Variants in PARD3B observed in about 807,000 individuals in gnomAD.
The protein encoded by PARD3B is partitioning defective 3 homolog B.
In PARD3B, 103 loss-of-function variants were observed where a neutral mutation model predicts 130.2. That is an observed-to-expected ratio of 0.79 (90% CI 0.67 to 0.93). PARD3B has a LOEUF of 0.93. Among genes scored for constraint, PARD3B ranks in the 40% least tolerant of loss-of-function variants. The pLI is 0.00. For missense variants in PARD3B, 1,609 were observed against 1,499.2 expected (o/e 1.07, Z -1.21); for synonymous variants, 583 against 553.2 (o/e 1.05, Z -0.76).
rs185356246 is a variant in PARD3B, at chr2:205,000,869, A to G, written c.394+35546A>G. ...AGTTTTATCCTGAGACATGCTTTGC[A>G]TAACATTAGGGCCTTAGGGTTTTTT... is the stretch of plus-strand genomic sequence containing the variant. On this transcript the variant is annotated intron_variant, in intron 3 of 22. Coordinates refer to ENST00000406610, the MANE Select transcript of PARD3B (RefSeq NM_001302769.2). Among the ~76,000 whole-genome samples, 18 of 152,314 alleles carry G rather than the reference A, an allele frequency of 1.2e-4. No individual in the cohort carries two copies. In the East Asian group the frequency reaches 3.5e-3, roughly 29 times the overall value.
intron 15 of PARD3B, among the ~76,000 whole-genome samples, chr2:205,238,884 G>GTATA (rs368546075): frequency 0.044 from 3,318 of 74,872 alleles, 142 homozygotes; most frequent in Middle Eastern, 0.11. Context: ...ATATGTATGT[G>GTATA]TGTATATATA....
At chr2:204,645,580 T>C (rs550398834) in intron 1 of PARD3B, among the ~76,000 whole-genome samples, 53 of 152,272 alleles carry the variant, frequency 3.5e-4, no homozygotes, top group African/African-American at 1.3e-3. Flanking sequence ...TAAATGTTAC[T>C]GTTCATCAGC....
rs2046402706 is a variant in PARD3B, at chr2:204,890,389, C to T, written c.223-74763C>T. Among the ~76,000 whole-genome samples the T allele has an allele frequency of 6.6e-6, 1 of 152,190 alleles. No individual in the cohort carries two copies. The highest frequency in any genetic ancestry group is 1.5e-5 in the Non-Finnish European group (1 of 68,040). On this transcript the variant is annotated intron_variant, in intron 2 of 22. Transcript: ENST00000406610. This position sits in a 1 kb window ranked among gnomAD's most constrained non-coding sequence, Gnocchi z 4.9. ...AGAAGGAGAAAATAATTTTCAGCCC[C>T]TAGTCAAGAAGTTTCATTTGCCTCC...
At chr2:205,337,356 T>C (rs530295133) in intron 18 of PARD3B, among the ~76,000 whole-genome samples, 1 of 152,362 alleles carries the variant, frequency 6.6e-6, no homozygotes, top group African/African-American at 2.4e-5. Context: ...TAAGTAACTG[T>C]TCATAGATGT....
At chr2:204,938,211 T>G (rs1439633564) in intron 2 of PARD3B, among the ~76,000 whole-genome samples, 1 of 152,240 alleles carries the variant, frequency 6.6e-6, no homozygotes, top group Non-Finnish European at 1.5e-5. Context: ...ATGTATCAAG[T>G]GGCTTTCCAC....
At chr2:205,012,998 AGTTTTCAT>A (rs1054018034) in intron 3 of PARD3B, among the ~76,000 whole-genome samples, 3 of 152,348 alleles carry the variant, frequency 2.0e-5, no homozygotes, top group African/African-American at 7.2e-5. Flanking sequence ...ATATGTTTAA[AGTTTTCAT>A]GTTTTTGCTG....
intron 18 of PARD3B, among the ~76,000 whole-genome samples, chr2:205,331,368 T>A (rs955729071): frequency 3.3e-5 from 5 of 151,956 alleles, no homozygotes; most frequent in African/African-American, 1.2e-4. Flanking sequence ...GAGCAGGCAG[T>A]AGGAGTTTCC....
chr2:205,431,400 C>G (rs758294141), intron 19 of PARD3B, among the ~76,000 whole-genome samples: 2 of 151,922 alleles, frequency 1.3e-5, no homozygotes, highest in African/African-American at 2.4e-5. Context: ...TTATTGAATA[C>G]AGAAATGAAA....
intron 18 of PARD3B, among the ~76,000 whole-genome samples, chr2:205,306,794 A>G (rs1013891134): frequency 2.0e-5 from 3 of 152,234 alleles, no homozygotes; most frequent in Non-Finnish European, 4.4e-5. Context: ...TTACTGCTAC[A>G]TGCACATTTT....
intron 22 of PARD3B, among the ~76,000 whole-genome samples, chr2:205,583,732 C>T (rs1228646738): frequency 6.6e-6 from 1 of 152,162 alleles, no homozygotes; most frequent in African/African-American, 2.4e-5. Context: ...CTCATTTGGA[C>T]GAATTGGAAC....
chr2:204,794,381 C>T (rs6715642), intron 2 of PARD3B, among the ~76,000 whole-genome samples: 12,377 of 152,196 alleles, frequency 0.081, 624 homozygotes, highest in African/African-American at 0.14. Context: ...GATGCACTAG[C>T]GTATGGTGCT....
At chr2:205,410,975 G>A (rs1227905828) in intron 19 of PARD3B, among the ~76,000 whole-genome samples, 1 of 152,104 alleles carries the variant, frequency 6.6e-6, no homozygotes, top group East Asian at 1.9e-4. Flanking sequence ...TCCAAACTTT[G>A]AATATGCTTT....
chr2:205,368,418 A>G (rs2044686635), intron 18 of PARD3B, among the ~76,000 whole-genome samples: 7 of 152,168 alleles, frequency 4.6e-5, no homozygotes, highest in Admixed American at 4.6e-4. Context: ...GGATCACTTG[A>G]GGCCAGGAGT....
intron 18 of PARD3B, among the ~76,000 whole-genome samples, chr2:205,345,007 C>T (rs1020697642): frequency 1.1e-4 from 17 of 152,146 alleles, no homozygotes; most frequent in African/African-American, 2.9e-4. Context: ...GAACTACCAA[C>T]AGGGCCAGCA....
intron 21 of PARD3B, among the ~76,000 whole-genome samples, chr2:205,528,523 T>G (rs181645519): frequency 2.1e-3 from 312 of 152,066 alleles, no homozygotes; most frequent in Non-Finnish European, 3.5e-3. Context: ...AACAGAGTCT[T>G]GCTCTGTTGC....
chr2:205,531,833 G>A (rs1377366226), intron 21 of PARD3B, among the ~76,000 whole-genome samples: 2 of 152,152 alleles, frequency 1.3e-5, no homozygotes, highest in Admixed American at 6.5e-5. Context: ...TTAGTGAAAT[G>A]GTTCAGAAGC....
chr2:205,442,036 G>C (rs544108950), intron 20 of PARD3B, among the ~76,000 whole-genome samples: 76 of 152,270 alleles, frequency 5.0e-4, no homozygotes, highest in Non-Finnish European at 9.1e-4. Context: ...CCAGGCATGA[G>C]TCTCTTCTCA....
At chr2:205,386,638 T>C (rs886293695) in intron 18 of PARD3B, among the ~76,000 whole-genome samples, 1 of 122,428 alleles carries the variant, frequency 8.2e-6, no homozygotes, top group African/African-American at 3.0e-5. Flanking sequence ...AAAATGAAAC[T>C]TTAATTAAGT....
intron 2 of PARD3B, among the ~76,000 whole-genome samples, chr2:204,753,948 G>A (rs1039019595): frequency 2.0e-5 from 3 of 151,992 alleles, no homozygotes; most frequent in African/African-American, 7.2e-5. Flanking sequence ...TTAAGCATTG[G>A]CCCCTGGAAT....
Sources: gnomAD v4.1 joint callset for allele counts (sites outside exome capture counted in the v4.1 genomes callset) on GRCh38, gnomAD v4.1.1 for gene constraint, Gnocchi (gnomAD v3.1) non-coding constraint, MANE v1.5 for transcripts, NCBI Gene and HGNC (gene_info 2026-07-23, HGNC 2026-07-21) for gene names.